LIFR: variants seen among roughly 807,000 people sequenced by gnomAD.
LIFR encodes the protein leukemia inhibitory factor receptor.
A neutral mutation model predicts 122.2 loss-of-function variants in LIFR; 84 were observed. That is an observed-to-expected ratio of 0.69 (90% CI 0.58 to 0.82). LIFR has a LOEUF of 0.82. Among genes scored for constraint, LIFR ranks in the 40% least tolerant of loss-of-function variants. The pLI is 0.00. For synonymous variants in LIFR, 422 were observed against 434.7 expected (o/e 0.97, Z 0.36); for missense variants, 1,294 against 1,311.6 (o/e 0.99, Z 0.21).
At chr5:38,582,077 T>G (rs1749605755) in intron 1 of LIFR, among the ~76,000 whole-genome samples, 1 of 151,890 alleles carries the variant, frequency 6.6e-6, no homozygotes, top group South Asian at 2.1e-4. Flanking sequence ...TTTTCTTTTT[T>G]TAGAGATGGT....
intron 1 of LIFR, among the ~76,000 whole-genome samples, chr5:38,565,544 A>G (rs1748991969): frequency 6.6e-6 from 1 of 152,002 alleles, no homozygotes; most frequent in African/African-American, 2.4e-5. Context: ...TGTATATGAG[A>G]AAGCATCAAG....
intron 13 of LIFR, among the ~76,000 whole-genome samples, chr5:38,495,261 T>C (rs755671466): frequency 6.6e-6 from 1 of 152,224 alleles, no homozygotes; most frequent in South Asian, 2.1e-4. Context: ...AAAGACAACA[T>C]AGCTATTGCC....
upstream of LIFR, among the ~76,000 whole-genome samples, chr5:38,600,114 CT>C (rs776831118): frequency 5.3e-5 from 8 of 152,224 alleles, no homozygotes; most frequent in Non-Finnish European, 1.0e-4. Flanking sequence ...TAACTTAACT[CT>C]TTCAACCAAT....
chr5:38,565,133 G>A (rs1748978435), intron 1 of LIFR, among the ~76,000 whole-genome samples: 1 of 152,114 alleles, frequency 6.6e-6, no homozygotes, highest in South Asian at 2.1e-4. Flanking sequence ...TCAGTATTGA[G>A]CCTTGGATGT....
rs148148482 is a variant in LIFR at position 38,510,365 on chromosome 5, G to A, written c.991+99C>T. 13,623 of 1,083,962 alleles carry A rather than the reference G, an allele frequency of 0.013. 117 individuals carry two copies. The highest frequency in any genetic ancestry group is 0.016 in the Non-Finnish European group (12,003 of 730,628). 67.1% of individuals were successfully genotyped at this position (1,083,962 alleles called of 1,614,324 possible). The stretch of plus-strand genomic sequence containing the variant: ...AGAACAAAGAAATGAGAAAGAAACA[G>A]AATCACTCCTCCCACCCCCCCACTC... On this transcript the variant is annotated intron_variant, in intron 7 of 19. Transcript: ENST00000453190.
At chr5:38,521,978 C>T (rs911165841) in intron 5 of LIFR, among the ~76,000 whole-genome samples, 22 of 152,110 alleles carry the variant, frequency 1.4e-4, no homozygotes, top group Admixed American at 6.5e-4. Context: ...CAGGCCCTCT[C>T]GTAGTACATG....
chr5:38,574,943 C>G (rs1378812254), intron 1 of LIFR, among the ~76,000 whole-genome samples: 1 of 152,132 alleles, frequency 6.6e-6, no homozygotes, highest in Admixed American at 6.6e-5. Context: ...AATTCCACAC[C>G]TACGTATATA....
At position 38,486,654 on chromosome 5, in the gene LIFR, A is replaced by G. The variant is rs73077456; in HGVS notation, c.2336-674T>C. On this transcript the variant is annotated intron_variant, in intron 16 of 19. Coordinates refer to ENST00000453190, the MANE Select transcript of LIFR (RefSeq NM_001127671.2). The stretch of plus-strand genomic sequence containing the variant: ...CCAGCTCCTCCCCTCGCCCCCTACA[A>G]CCACTGTAAAAGCCATGTAATCAAG... Among the ~76,000 whole-genome samples, 655 of 152,186 alleles carry G rather than the reference A, an allele frequency of 4.3e-3. 4 individuals are homozygous for G. Among genetic ancestry groups the G allele is most frequent in the African/African-American group, 0.015 (616 of 41,542 alleles).
At chr5:38,545,330 G>A (rs1747817335) in intron 1 of LIFR, among the ~76,000 whole-genome samples, 1 of 151,860 alleles carries the variant, frequency 6.6e-6, no homozygotes. Context: ...TAACATATTT[G>A]GAGATGTAGA....
At chr5:38,550,898 G>A (rs947259095) in intron 1 of LIFR, among the ~76,000 whole-genome samples, 1 of 152,012 alleles carries the variant, frequency 6.6e-6, no homozygotes, top group African/African-American at 2.4e-5. Flanking sequence ...GGATCTGAAG[G>A]GCCTTCCAGC....
chr5:38,483,730 A>G (rs930480314), intron 18 of LIFR, among the ~76,000 whole-genome samples: 11 of 152,200 alleles, frequency 7.2e-5, no homozygotes, highest in African/African-American at 2.7e-4. Flanking sequence ...CACCCGGCCT[A>G]ATAGTTGTTT....
At chr5:38,595,144 A>G (rs1750057141) in intron 1 of LIFR, 1 of 171,088 alleles carries the variant, frequency 5.8e-6, no homozygotes, top group East Asian at 1.1e-4. Flanking sequence ...GAGCCCTGAG[A>G]GACCCTCACA....
chr5:38,488,546 G>A (rs1744408752), intron 16 of LIFR, among the ~76,000 whole-genome samples: 1 of 152,190 alleles, frequency 6.6e-6, no homozygotes, highest in Non-Finnish European at 1.5e-5. Flanking sequence ...ATTCTCTAAA[G>A]TCTTTGGATG....
At chr5:38,574,747 G>T (rs1749327758) in intron 1 of LIFR, among the ~76,000 whole-genome samples, 1 of 152,062 alleles carries the variant, frequency 6.6e-6, no homozygotes, top group Non-Finnish European at 1.5e-5. Flanking sequence ...ATTTTCCTTA[G>T]CTTAGACTAT....
intron 1 of LIFR, among the ~76,000 whole-genome samples, chr5:38,554,319 T>C (rs1444905051): frequency 6.6e-6 from 1 of 152,166 alleles, no homozygotes; most frequent in Non-Finnish European, 1.5e-5. Flanking sequence ...AAGCAAACAG[T>C]GTATGCTGGG....
At chr5:38,536,112 CAAACAAATCAATGTAGAAATGGA>C (rs1747282675) in intron 1 of LIFR, among the ~76,000 whole-genome samples, 1 of 152,056 alleles carries the variant, frequency 6.6e-6, no homozygotes, top group African/African-American at 2.4e-5. Context: ...AAGTACTACC[CAAACAAATCAATGTAGAAATGGA>C]AATGAGGGTG....
At chr5:38,589,385 A>G (rs956426494) in intron 1 of LIFR, among the ~76,000 whole-genome samples, 1 of 152,232 alleles carries the variant, frequency 6.6e-6, no homozygotes, top group African/African-American at 2.4e-5. Context: ...TTAGAGGACT[A>G]TGAATATCAA....
rs1743698051 is a variant in LIFR at position 38,475,798 on chromosome 5, A to C, written c.*5797T>G. On this transcript the variant is annotated 3_prime_UTR_variant, in exon 20 of 20. Coordinates refer to ENST00000453190, the MANE Select transcript of LIFR (RefSeq NM_001127671.2). Reference sequence around the variant, plus strand: ...AAAGAGAAGAAAACCTAACATCCTTATTAGGAAAGTTAAGTATTTTGAAAT... The same window carrying C: ...AAAGAGAAGAAAACCTAACATCCTTCTTAGGAAAGTTAAGTATTTTGAAAT... 1 of 188,646 alleles carries C rather than the reference A, an allele frequency of 5.3e-6. No homozygotes were observed. The highest frequency in any genetic ancestry group is 1.1e-5 in the Non-Finnish European group (1 of 89,506). The allele number at this position is 188,646 out of a possible 1,614,324, so 11.7% of individuals were successfully genotyped here.
intron 1 of LIFR, among the ~76,000 whole-genome samples, chr5:38,593,347 C>G (rs529811138): frequency 3.3e-5 from 5 of 152,268 alleles, no homozygotes; most frequent in African/African-American, 1.2e-4. Flanking sequence ...AAACTTAAAC[C>G]TATGCTGTCT....
Sources: allele counts gnomAD v4.1 joint callset (sites outside exome capture counted in the v4.1 genomes callset), GRCh38; gene constraint gnomAD v4.1.1; transcripts MANE v1.5; gene names NCBI Gene and HGNC (gene_info 2026-07-23, HGNC 2026-07-21).